The following ENTPD5 variants were observed in gnomAD, a reference collection of about 807,000 sequenced individuals.
ENTPD5 encodes the protein nucleoside diphosphate phosphatase ENTPD5.
Under a neutral mutation model 60.2 loss-of-function variants are expected in ENTPD5, and 49 were observed. The ratio of observed to expected loss-of-function variants is 0.81; its 90% CI spans 0.65 to 1.03. The LOEUF (loss-of-function observed/expected upper bound fraction) is 1.03. ENTPD5 is among the 50% of genes least tolerant of loss of function. ENTPD5 has a pLI of 0.00. For synonymous variants in ENTPD5, 187 were observed against 185.4 expected, an observed-to-expected ratio of 1.01 and a Z score of -0.07; for missense variants, 480 against 507.6, an observed-to-expected ratio of 0.95 and a Z score of 0.52.
intron 9 of ENTPD5, 126 bp from the exon 10 acceptor site, chr14:73,976,141 G>A (rs2057434834): frequency 2.2e-6 from 2 of 896,390 alleles, no homozygotes; most frequent in African/African-American, 1.6e-5. Flanking sequence ...AATCTCACTA[G>A]GCTTGAGGAA....
At chr14:73,958,922 C>A, downstream of ENTPD5, 1 of 1,609,762 alleles carries the variant, frequency 6.2e-7, no homozygotes, top group Non-Finnish European at 8.5e-7. Flanking sequence ...ACTTCTGAAG[C>A]AGTTTATGAA....
chr14:73,999,038 A>T (rs10147158), intron 3 of ENTPD5, among the ~76,000 whole-genome samples: 69,162 of 151,970 alleles, frequency 0.46, 16,629 homozygotes, highest in Non-Finnish European at 0.53. Context: ...GGACCACTCA[A>T]TTGCTTAATT....
intron 3 of ENTPD5, among the ~76,000 whole-genome samples, chr14:73,995,926 AGT>A (rs1045649536): frequency 6.6e-6 from 1 of 152,054 alleles, no homozygotes; most frequent in African/African-American, 2.4e-5. Flanking sequence ...GGTGCCAGCC[AGT>A]GTTTGTCACT....
chr14:73,984,928 GTGA>G (rs1163619033), intron 5 of ENTPD5, among the ~76,000 whole-genome samples: 2 of 152,220 alleles, frequency 1.3e-5, no homozygotes, highest in Admixed American at 1.3e-4. Context: ...GCCCCGGTGT[GTGA>G]TGTTCCCCAC....
Position 73,986,835 on chromosome 14 carries a change from A to C in ENTPD5, c.276T>G (p.Ala92=). 1 of 1,614,098 alleles carries C rather than the reference A, an allele frequency of 6.2e-7. No individual in the cohort carries two copies. The highest frequency in any genetic ancestry group is 8.5e-7 in the Non-Finnish European group (1 of 1,179,960). ...VFDSVKPGLS[A]FVDQPKQGAE... ...TCACCTGCTTAGGTTGATCTACAAA[A>C]GCAGAAAGTCCTGGCTTCACAGAAT... The change falls in exon 5 of 16, where the codon GCT becomes GCG. Residue 92 remains alanine, a synonymous_variant. Transcript: ENST00000334696.
intron 3 of ENTPD5, among the ~76,000 whole-genome samples, chr14:73,992,607 C>T (rs1034517654): frequency 6.6e-6 from 1 of 150,858 alleles, no homozygotes; most frequent in African/African-American, 2.4e-5. Flanking sequence ...TTGCTTGAAC[C>T]TGGGAGGCAA....
At position 73,973,117 on chromosome 14, in the gene ENTPD5, A is replaced by G. The variant is rs1185522595; in HGVS notation, c.887-93T>C. 20 of 1,462,930 alleles carry G rather than the reference A, an allele frequency of 1.4e-5. No homozygotes were observed. In the African/African-American group the frequency reaches 2.8e-4, roughly 21 times the overall value. 90.6% of individuals were successfully genotyped at this position (1,462,930 alleles called of 1,614,324 possible). A position where few individuals can be genotyped will look rare whatever the true frequency, so the allele number is the denominator to read the frequency against. On this transcript the variant is annotated intron_variant, in intron 12 of 15. Transcript: ENST00000334696. ...AGGCTGCTGGAGACAATGAGGGAAC[A>G]GCAGGAAGGTCAAGGAAAGCAGGAG...
Position 73,973,022 on chromosome 14 carries a change from C to A in ENTPD5, c.889G>T (p.Glu297Ter). The A allele has an allele frequency of 6.2e-7, 1 of 1,614,106 alleles. No homozygotes were observed. The highest frequency in any genetic ancestry group is 8.5e-7 in the Non-Finnish European group (1 of 1,179,990). ...GCATAGCAGGGCTCAAAGCCCACCT[C>A]CCCTGCCAGGCAAAGGTGCACAGGG... ...KYQYGGNQEG[E>*]VGFEPCYAEV... Residue 297 changes from glutamate (E) to a stop codon, truncating the protein, a stop_gained and splice_region_variant, in exon 13 of 16, where the codon GAG becomes TAG. Transcript: ENST00000334696. LOFTEE classifies it high-confidence loss of function.
rs552955057 is a variant in ENTPD5, at chr14:73,963,861, T to C, written c.*3067A>G. Reference sequence around the variant, plus strand: ...TGAAATGAAGAGAAACAGTCTGCTTTTGAACCAAGTAAGGTATTCTTGGGA... The same window carrying C: ...TGAAATGAAGAGAAACAGTCTGCTTCTGAACCAAGTAAGGTATTCTTGGGA... On this transcript the variant is annotated 3_prime_UTR_variant, in exon 16 of 16. Transcript: ENST00000334696. The C allele has an allele frequency of 6.6e-6, 1 of 152,332 alleles. No homozygotes were observed. The highest frequency in any genetic ancestry group is 2.4e-5 in the African/African-American group (1 of 41,580). 9.4% of individuals were successfully genotyped at this position (152,332 alleles called of 1,614,324 possible).
downstream of ENTPD5, chr14:73,962,905 C>T: frequency 7.6e-7 from 1 of 1,314,794 alleles, no homozygotes; most frequent in Non-Finnish European, 1.1e-6. Context: ...TGATTATTAT[C>T]TACAATAATT....
At chr14:73,991,012 G>A (rs2058105894) in intron 3 of ENTPD5, among the ~76,000 whole-genome samples, 1 of 152,140 alleles carries the variant, frequency 6.6e-6, no homozygotes, top group Non-Finnish European at 1.5e-5. Context: ...CTGGGCGACA[G>A]AGTGAGACTG....
chr14:74,018,267 T>A (rs777999725), intron 1 of ENTPD5, among the ~76,000 whole-genome samples: 10 of 151,742 alleles, frequency 6.6e-5, no homozygotes, highest in Admixed American at 6.6e-4. Context: ...ACAGAAACTA[T>A]GCAAGTGGGA....
chr14:73,956,440 C>G (rs2056443035), downstream of ENTPD5: 1 of 162,644 alleles, frequency 6.1e-6, no homozygotes, highest in Non-Finnish European at 1.4e-5. Context: ...AGCTGCCAAA[C>G]TTTTCTGAAG....
chr14:73,958,860 AT>A (rs1359115375), downstream of ENTPD5: 2 of 1,551,130 alleles, frequency 1.3e-6, no homozygotes, highest in African/African-American at 2.7e-5. Flanking sequence ...TGATGGAATT[AT>A]CCTGCCACAC....
intron 2 of ENTPD5, among the ~76,000 whole-genome samples, chr14:74,014,953 G>C (rs142698536): frequency 6.6e-6 from 1 of 151,932 alleles, no homozygotes; most frequent in African/African-American, 2.4e-5. Flanking sequence ...ATGGTGGCAG[G>C]CATCTGTAAT....
At chr14:73,983,313 G>C in intron 5 of ENTPD5, 152 bp from the exon 6 acceptor site, 1 of 784,534 alleles carries the variant, frequency 1.3e-6, no homozygotes, top group Non-Finnish European at 1.9e-6. Context: ...ACCTAGAGAA[G>C]TGGGCCGCTT....
chr14:74,007,318 A>G (rs561559021), intron 3 of ENTPD5, among the ~76,000 whole-genome samples: 35 of 152,204 alleles, frequency 2.3e-4, no homozygotes, highest in African/African-American at 5.3e-4. Flanking sequence ...TCAGGAAATC[A>G]AGACCATCCT....
intron 3 of ENTPD5, chr14:73,996,030 TG>T: frequency 2.1e-6 from 1 of 476,554 alleles, no homozygotes; most frequent in Non-Finnish European, 2.7e-6. Context: ...CGTCACACTC[TG>T]GCTTCCCTTC....
rs549826262 is a variant in ENTPD5 at position 73,996,010 on chromosome 14, T to C, written c.-70-7838A>G. The C allele has an allele frequency of 6.3e-5, 19 of 300,020 alleles. No homozygotes were observed. In the South Asian group the frequency reaches 2.5e-3, roughly 40 times the overall value. The allele number at this position is 300,020 out of a possible 1,614,324, so 18.6% of individuals were successfully genotyped here. On this transcript the variant is annotated intron_variant, in intron 3 of 15. Transcript: ENST00000334696. ...TAGACATGAATCCTCCCCACTCAGC[T>C]TTCCCAGAACGTCACACTCTGGCTT...
Sources: gnomAD v4.1 joint callset for allele counts (sites outside exome capture counted in the v4.1 genomes callset) on GRCh38, gnomAD v4.1.1 for gene constraint, MANE v1.5 for transcripts, NCBI Gene and HGNC (gene_info 2026-07-23, HGNC 2026-07-21) for gene names.